The following TMEFF2 variants were observed in gnomAD, a reference collection of about 807,000 sequenced individuals.
The protein encoded by TMEFF2 is transmembrane protein with EGF like and two follistatin like domains 2.
A neutral mutation model predicts 53.8 loss-of-function variants in TMEFF2; 28 were observed. The ratio of observed to expected loss-of-function variants is 0.52; its 90% CI spans 0.39 to 0.71. TMEFF2 has a LOEUF of 0.71. TMEFF2 is among the 30% of genes least tolerant of loss of function. The pLI is 0.00. For missense variants in TMEFF2, 353 were observed against 455.2 expected, an observed-to-expected ratio of 0.78 and a Z score of 2.04; for synonymous variants, 162 against 166.3, an observed-to-expected ratio of 0.97 and a Z score of 0.20.
intron 5 of TMEFF2, among the ~76,000 whole-genome samples, chr2:192,057,246 A>C (rs1468751717): frequency 6.6e-6 from 1 of 151,822 alleles, no homozygotes; most frequent in Non-Finnish European, 1.5e-5. Context: ...TGTGGGTCTC[A>C]CTTTGTGCCC....
At chr2:192,037,647 G>GAGAGAA (rs1403925629) in intron 5 of TMEFF2, among the ~76,000 whole-genome samples, 17 of 6,266 alleles carry the variant, frequency 2.7e-3, no homozygotes, top group African/African-American at 2.9e-3. Context: ...GAGAGAAAGA[G>GAGAGAA]AGAGAGAGAG....
intron 4 of TMEFF2, among the ~76,000 whole-genome samples, chr2:192,083,381 G>C (rs1483477281): frequency 6.6e-6 from 1 of 152,078 alleles, no homozygotes; most frequent in Non-Finnish European, 1.5e-5. Context: ...TTTCAGGAGA[G>C]TATAGAGGCC....
intron 7 of TMEFF2, among the ~76,000 whole-genome samples, chr2:191,981,072 GTTTTT>G (rs920494240): frequency 6.7e-6 from 1 of 148,298 alleles, no homozygotes; most frequent in African/African-American, 2.5e-5. Flanking sequence ...CTGCTGCCAG[GTTTTT>G]TTTTTTTATT....
intron 5 of TMEFF2, among the ~76,000 whole-genome samples, chr2:192,004,262 T>C (rs1330529783): frequency 1.3e-5 from 2 of 152,188 alleles, no homozygotes; most frequent in Non-Finnish European, 2.9e-5. Flanking sequence ...CTGTCCTCCT[T>C]TTATTTGTGT....
chr2:192,082,461 A>G (rs1375903854), intron 4 of TMEFF2, among the ~76,000 whole-genome samples: 2 of 152,212 alleles, frequency 1.3e-5, no homozygotes, highest in African/African-American at 2.4e-5. Context: ...CCAATTTTCA[A>G]TGCTACCAAA....
At chr2:192,040,611 C>T (rs1051892404) in intron 5 of TMEFF2, among the ~76,000 whole-genome samples, 6 of 152,030 alleles carry the variant, frequency 3.9e-5, no homozygotes, top group Admixed American at 3.9e-4. Flanking sequence ...CCACTAGGAC[C>T]ACTGGGGACG....
intron 3 of TMEFF2, 48 bp from the exon 4 acceptor site, chr2:192,179,742 T>C (rs1691140275): frequency 1.3e-6 from 2 of 1,491,380 alleles, no homozygotes; most frequent in African/African-American, 1.5e-5. Context: ...TTCAAAAATA[T>C]TTATGACTTT....
intron 5 of TMEFF2, among the ~76,000 whole-genome samples, chr2:192,055,774 C>CAAA (rs71405038): frequency 0.013 from 527 of 41,344 alleles, 3 homozygotes; most frequent in East Asian, 0.021. Context: ...GACTCCATCT[C>CAAA]AAAAAAAAAA....
chr2:192,156,899 G>T (rs541271676), intron 4 of TMEFF2, among the ~76,000 whole-genome samples: 251 of 152,086 alleles, frequency 1.7e-3, no homozygotes, highest in African/African-American at 5.3e-3. Flanking sequence ...AATTAAGGTC[G>T]AGAGAGGTTA....
At chr2:191,989,368 G>A (rs562434078) in intron 7 of TMEFF2, among the ~76,000 whole-genome samples, 3 of 152,276 alleles carry the variant, frequency 2.0e-5, no homozygotes, top group Admixed American at 6.5e-5. Flanking sequence ...AGTTGGGGAG[G>A]AGGTCCTAGC....
chr2:191,993,480 C>T (rs766273617), intron 7 of TMEFF2, among the ~76,000 whole-genome samples: 4 of 151,972 alleles, frequency 2.6e-5, no homozygotes, highest in Non-Finnish European at 5.9e-5. Flanking sequence ...GTCTCCCCTC[C>T]GAGGACATGA....
At chr2:192,164,311 C>T (rs1690702286) in intron 4 of TMEFF2, among the ~76,000 whole-genome samples, 1 of 152,166 alleles carries the variant, frequency 6.6e-6, no homozygotes, top group South Asian at 2.1e-4. Context: ...CTTCCCTTTG[C>T]TCCGAATGCC....
At chr2:192,150,866 G>A (rs1490148310) in intron 4 of TMEFF2, among the ~76,000 whole-genome samples, 1 of 151,564 alleles carries the variant, frequency 6.6e-6, no homozygotes, top group Non-Finnish European at 1.5e-5. Context: ...GAGATGAGGT[G>A]GGTCACACAT....
chr2:191,972,305 C>CA (rs1692668963), intron 7 of TMEFF2, among the ~76,000 whole-genome samples: 1 of 142,628 alleles, frequency 7.0e-6, no homozygotes, highest in Non-Finnish European at 1.5e-5. Context: ...CCATCATGCC[C>CA]AGCTTTTTTT....
At chr2:192,087,712 T>C (rs1462432550) in intron 4 of TMEFF2, among the ~76,000 whole-genome samples, 1 of 152,258 alleles carries the variant, frequency 6.6e-6, no homozygotes, top group Non-Finnish European at 1.5e-5. Flanking sequence ...ATGTTTAATG[T>C]ACAGTGGGTG....
intron 5 of TMEFF2, among the ~76,000 whole-genome samples, chr2:192,052,396 C>A (rs935977898): frequency 4.6e-5 from 7 of 152,176 alleles, no homozygotes; most frequent in Non-Finnish European, 7.4e-5. Context: ...ACAGAACCAA[C>A]AGAAAGTTCC....
intron 7 of TMEFF2, among the ~76,000 whole-genome samples, chr2:191,969,815 A>C (rs574105385): frequency 6.6e-6 from 1 of 152,374 alleles, no homozygotes; most frequent in African/African-American, 2.4e-5. Context: ...AAATTATTTA[A>C]AGAAACAAAT....
chr2:192,194,511 T>G lies in TMEFF2; in HGVS notation c.14A>C (p.Glu5Ala). 1 of 1,613,448 alleles carries G rather than the reference T, an allele frequency of 6.2e-7. No homozygotes were observed. Among genetic ancestry groups the G allele is most frequent in the Non-Finnish European group, 8.5e-7 (1 of 1,179,968 alleles). MVLW[E>A]SPRQCSSWTL... ...CCAGCTGCTGCACTGCCGCGGGGAC[T>G]CCCACAGCACCATGACTAGTTCGTG... is the stretch of plus-strand genomic sequence containing the variant. The change falls in exon 1 of 10, where the codon GAG (glutamate) becomes GCG (alanine). Residue 5 changes from glutamate to alanine, a missense_variant. By Grantham distance (107) the Glu-to-Ala change is moderately radical. Around this residue, in one of 3 missense-constraint regions of TMEFF2, gnomAD observed 54 missense variants for 41.8 expected, o/e 1.29. Transcript: ENST00000272771. The surrounding 1 kb of genome is among the most constrained non-coding windows in gnomAD (Gnocchi z 4.2).
chr2:191,996,539 CTTTTATTTTTCATTATTATCTT>C (rs1321629713), intron 7 of TMEFF2, among the ~76,000 whole-genome samples: 6 of 151,674 alleles, frequency 4.0e-5, no homozygotes, highest in African/African-American at 1.5e-4. Flanking sequence ...TAGCCTCAGA[CTTTTATTTTTCATTATTATCTT>C]TTATTATTTT....
Sources: gnomAD v4.1 joint callset for allele counts (sites outside exome capture counted in the v4.1 genomes callset) on GRCh38, gnomAD v4.1.1 for gene constraint, gnomAD v4.1.1 regional missense constraint, Gnocchi (gnomAD v3.1) non-coding constraint, MANE v1.5 for transcripts, NCBI Gene and HGNC (gene_info 2026-07-23, HGNC 2026-07-21) for gene names.